Variants in CPED1 observed in about 807,000 individuals in gnomAD.
CPED1 encodes cadherin-like and PC-esterase domain-containing protein 1.
CPED1 carries 114 observed loss-of-function variants against 128.2 expected under a neutral mutation model. The observed-to-expected ratio is 0.89, with a 90% CI of 0.76 to 1.04. CPED1 has a LOEUF of 1.04. CPED1 is among the 50% of genes least tolerant of loss of function. The pLI, the probability that CPED1 is intolerant of heterozygous loss-of-function variation, is 0.00. For missense variants in CPED1, 1,211 were observed against 1,207.1 expected, an observed-to-expected ratio of 1.00 and a Z score of -0.05; for synonymous variants, 462 against 426.7, an observed-to-expected ratio of 1.08 and a Z score of -1.02.
rs536619319 is a variant in CPED1, at chr7:121,172,655, T to G, written c.2055+30514T>G. 4.4e-4 allele frequency among the ~76,000 whole-genome samples: 64 copies of G among 147,018 alleles called. 3 individuals carry two copies. In the South Asian group the frequency reaches 7.0e-3, roughly 16 times the overall value. ...TTGGGTGGGTGGGTGGTTGGATGGA[T>G]GGATACATAGATAGATAGATAGATA... On this transcript the variant is annotated intron_variant, in intron 16 of 22. Coordinates refer to ENST00000310396, the MANE Select transcript of CPED1 (RefSeq NM_024913.5).
In CPED1 at chr7:121,118,145, C is replaced by T. The variant is rs143824669; in HGVS notation, c.919-6186C>T. Among the ~76,000 whole-genome samples the T allele has an allele frequency of 4.1e-3, 631 of 152,222 alleles. 7 individuals are homozygous for T. The highest frequency in any genetic ancestry group is 0.014 in the African/African-American group (599 of 41,528). On this transcript the variant is annotated intron_variant, in intron 7 of 22. Transcript: ENST00000310396. Reference sequence around the variant, plus strand: ...TGCTATAACTAAACCCTTCCATCCACGTCTGTGTATTTATGTGAACAAATT... The same window carrying T: ...TGCTATAACTAAACCCTTCCATCCATGTCTGTGTATTTATGTGAACAAATT...
chr7:121,279,331 A>C (rs1195828442), intron 22 of CPED1, among the ~76,000 whole-genome samples: 1 of 152,094 alleles, frequency 6.6e-6, no homozygotes, highest in African/African-American at 2.4e-5. Context: ...AAGGTCTAAA[A>C]AATCATGCAT....
At chr7:121,199,006 A>G (rs1196749286) in intron 16 of CPED1, among the ~76,000 whole-genome samples, 1 of 152,174 alleles carries the variant, frequency 6.6e-6, no homozygotes, top group East Asian at 1.9e-4. Flanking sequence ...ATTAGATTCA[A>G]TGCCAGGGAA....
chr7:121,177,939 T>G lies in CPED1; in HGVS notation c.2055+35798T>G, dbSNP rs1194937413. On this transcript the variant is annotated intron_variant, in intron 16 of 22. Transcript: ENST00000310396. ...TCCCTACAGGAAAGGATTCTAGGAT[T>G]TAATCCCTTATTGTCATCCCCAAGA... Among the ~76,000 whole-genome samples the G allele has an allele frequency of 2.0e-5, 3 of 152,088 alleles. No individual in the cohort carries two copies. The East Asian group carries it at 5.8e-4, about 29-fold the overall frequency.
intron 3 of CPED1, among the ~76,000 whole-genome samples, chr7:121,027,753 A>AATAATG (rs1792629757): frequency 1.5e-5 from 2 of 131,466 alleles, no homozygotes; most frequent in Non-Finnish European, 3.4e-5. Context: ...TAATAATAAT[A>AATAATG]ATAATAATAA....
rs141828481 is a variant in CPED1 at position 121,208,952 on chromosome 7, T to C, written c.2056-27762T>C. On this transcript the variant is annotated intron_variant, in intron 16 of 22. Transcript: ENST00000310396. ...CAAAGAAATGGGTGTATTCAAAGAA[T>C]ACATGAGTATAGCATATGCATAATG... Among the ~76,000 whole-genome samples the C allele has an allele frequency of 5.9e-4, 90 of 152,154 alleles. 1 individual carries two copies. The East Asian group carries it at 9.7e-3, about 16-fold the overall frequency.
chr7:121,223,873 C>A (rs973198747), intron 16 of CPED1, among the ~76,000 whole-genome samples: 4 of 151,426 alleles, frequency 2.6e-5, no homozygotes, highest in Non-Finnish European at 4.4e-5. Flanking sequence ...GTCTTGCTAG[C>A]AGTCTATCAA....
At chr7:121,013,690 C>A (rs1792219508) in intron 2 of CPED1, among the ~76,000 whole-genome samples, 1 of 152,184 alleles carries the variant, frequency 6.6e-6, no homozygotes, top group East Asian at 1.9e-4. Context: ...TTGAATCCAG[C>A]AGTTTAGATG....
chr7:121,263,777 C>T (rs1792065790), intron 18 of CPED1, among the ~76,000 whole-genome samples: 1 of 151,970 alleles, frequency 6.6e-6, no homozygotes, highest in Non-Finnish European at 1.5e-5. Flanking sequence ...AGGGAGCTCG[C>T]TGGCTGCCTG....
chr7:120,989,690 G>C lies in CPED1; in HGVS notation c.69G>C (p.Val23=). 6.2e-7 allele frequency: 1 copy of C among 1,613,980 alleles called. No homozygotes were observed. The highest frequency in any genetic ancestry group is 8.5e-7 in the Non-Finnish European group (1 of 1,180,004). ...FCPRPFLVGL[V]VAICLFYQTL... is the part of the protein sequence containing the mutation. ...CCCGACCCTTCTTGGTGGGCTTAGTGGTGGCAATCTGTCTCTTCTACCAGA... is the reference window on the plus strand; with the variant it reads ...CCCGACCCTTCTTGGTGGGCTTAGTCGTGGCAATCTGTCTCTTCTACCAGA... The change falls in exon 2 of 23, where the codon GTG becomes GTC. Residue 23 remains valine, a synonymous_variant. Coordinates refer to ENST00000310396, the MANE Select transcript of CPED1 (RefSeq NM_024913.5).
chr7:121,037,061 G>A (rs1475566622), intron 3 of CPED1, among the ~76,000 whole-genome samples: 1 of 152,122 alleles, frequency 6.6e-6, no homozygotes, highest in East Asian at 1.9e-4. Context: ...TGTATACAAT[G>A]TGAAGATTTT....
intron 5 of CPED1, among the ~76,000 whole-genome samples, chr7:121,088,347 G>T (rs779082025): frequency 6.6e-6 from 1 of 152,028 alleles, no homozygotes; most frequent in Non-Finnish European, 1.5e-5. Flanking sequence ...AGAAAACTTG[G>T]AAGAATATCC....
chr7:121,151,789 A>G (rs1796165728), intron 16 of CPED1, among the ~76,000 whole-genome samples: 1 of 152,222 alleles, frequency 6.6e-6, no homozygotes, highest in Non-Finnish European at 1.5e-5. Context: ...TCAGCAGGCT[A>G]TAACAAATTG....
chr7:121,006,487 G>A (rs529694004), intron 2 of CPED1, among the ~76,000 whole-genome samples: 57 of 151,968 alleles, frequency 3.8e-4, no homozygotes, highest in Non-Finnish European at 8.1e-4. Context: ...GAGAAAGACA[G>A]GACAGGGATA....
intron 16 of CPED1, among the ~76,000 whole-genome samples, chr7:121,216,286 GC>G (rs1797758430): frequency 6.6e-6 from 1 of 151,974 alleles, no homozygotes; most frequent in Non-Finnish European, 1.5e-5. Flanking sequence ...GTGTCTGCAT[GC>G]CTTGTTGCCA....
At chr7:121,075,676 C>T (rs978422726) in intron 5 of CPED1, among the ~76,000 whole-genome samples, 3 of 152,032 alleles carry the variant, frequency 2.0e-5, no homozygotes, top group Non-Finnish European at 4.4e-5. Context: ...ATTGGTCAGG[C>T]TGGTCTCGAA....
In CPED1 at chr7:121,142,031, G is replaced by T. The variant is rs372304863; in HGVS notation, c.1945G>T (p.Glu649Ter). The change falls in exon 16 of 23, where the codon GAA becomes TAA. Residue 649 changes from glutamate to a stop codon, truncating the protein, a stop_gained. Transcript: ENST00000310396. LOFTEE classifies it high-confidence loss of function. ...MNKISIFVVD[E>*]SPAHGETLIT... ...CAAAATCTCAATATTTGTTGTGGATGAATCTCCAGCACACGGTGAGACTCT... is the reference window on the plus strand; with the variant it reads ...CAAAATCTCAATATTTGTTGTGGATTAATCTCCAGCACACGGTGAGACTCT... 2 of 1,612,610 alleles carry T rather than the reference G, an allele frequency of 1.2e-6. No homozygotes were observed. The highest frequency in any genetic ancestry group is 2.7e-5 in the African/African-American group (2 of 74,820).
intron 5 of CPED1, among the ~76,000 whole-genome samples, chr7:121,074,146 T>C (rs140121099): frequency 8.5e-5 from 13 of 152,216 alleles, no homozygotes; most frequent in Non-Finnish European, 1.8e-4. Flanking sequence ...TGAGGGCAAG[T>C]AGACCACTTT....
intron 7 of CPED1, among the ~76,000 whole-genome samples, chr7:121,117,092 T>TATATAA (rs1174102780): frequency 2.8e-5 from 4 of 143,508 alleles, no homozygotes; most frequent in Admixed American, 7.0e-5. Context: ...TATATATATA[T>TATATAA]ATATATAAAT....
Sources: allele counts gnomAD v4.1 joint callset (sites outside exome capture counted in the v4.1 genomes callset), GRCh38; gene constraint gnomAD v4.1.1; transcripts MANE v1.5; gene names NCBI Gene and HGNC (gene_info 2026-07-23, HGNC 2026-07-21).